CROCC: variants seen among roughly 807,000 people sequenced by gnomAD.
CROCC encodes the protein ciliary rootlet coiled-coil, rootletin.
In CROCC, 180 loss-of-function variants were observed where a neutral mutation model predicts 245.2. That is an observed-to-expected ratio of 0.73 (90% CI 0.65 to 0.83). The LOEUF (loss-of-function observed/expected upper bound fraction) is 0.83, where lower values mean the gene tolerates loss of function less well. CROCC is among the 40% of genes least tolerant of loss of function. CROCC has a pLI of 0.00. For missense variants in CROCC, 2,688 were observed against 2,779.4 expected, an observed-to-expected ratio of 0.97 and a Z score of 0.74; for synonymous variants, 1,205 against 1,241.6, an observed-to-expected ratio of 0.97 and a Z score of 0.62.
rs768019477 is a variant in CROCC, at chr1:16,961,050, G to GGGGCCT, written c.4326_4331dup (p.Leu1446_Gly1447dup). The GGGGCCT allele has an allele frequency of 4.5e-6, 6 of 1,329,974 alleles. No homozygotes were observed. Among genetic ancestry groups the GGGGCCT allele is most frequent in the East Asian group, 3.2e-5 (1 of 31,722 alleles). 82.4% of individuals were successfully genotyped at this position (1,329,974 alleles called of 1,614,324 possible). ...GGTGGCCTGCGCTCGGCTCTGCGCC[G>GGGGCCT]GGGCCTCGGCCTCGGTCGCGCGCCC... On this transcript the variant is annotated inframe_insertion, in exon 27 of 37. Transcript: ENST00000375541.
chr1:16,943,102 C>T (rs1220391637), intron 13 of CROCC, among the ~76,000 whole-genome samples: 6 of 152,206 alleles, frequency 3.9e-5, no homozygotes, highest in East Asian at 1.9e-4. Flanking sequence ...ATTAGCCATC[C>T]GTGGTGGCAC....
chr1:16,935,067 G>A (rs1476604056), intron 8 of CROCC, among the ~76,000 whole-genome samples: 2 of 151,938 alleles, frequency 1.3e-5, no homozygotes, highest in Admixed American at 6.6e-5. Context: ...ACCCCGCTAA[G>A]TTTTGTATTT....
At chr1:16,961,229 T>C in intron 27 of CROCC, 99 bp downstream of exon 27, 1 of 1,178,956 alleles carries the variant, frequency 8.5e-7, no homozygotes, top group Non-Finnish European at 1.1e-6. Flanking sequence ...GTTTTTGTTT[T>C]TTTTCAAGGA....
chr1:16,970,748 G>A lies in CROCC; in HGVS notation c.5765G>A (p.Arg1922Lys). ...GAELELAEAQ[R>K]QIQQLEAQVV... is the part of the protein sequence containing the mutation. ...GAGCTGGAGCTGGCAGAGGCGCAGAGGCAGATCCAGCAGCTGGAGGTCTGA... is the reference window on the plus strand; with the variant it reads ...GAGCTGGAGCTGGCAGAGGCGCAGAAGCAGATCCAGCAGCTGGAGGTCTGA... The change falls in exon 35 of 37, where the codon AGG becomes AAG. Residue 1922 changes from arginine to lysine, a missense_variant. This residue lies in a region of CROCC where 1,218 missense variants were observed against 1,286.3 expected (regional missense o/e 0.95). Transcript: ENST00000375541. 1 of 1,595,180 alleles carries A rather than the reference G, an allele frequency of 6.3e-7. No homozygotes were observed. The highest frequency in any genetic ancestry group is 1.1e-5 in the South Asian group (1 of 88,180).
chr1:16,950,753 G>A (rs2076145441), intron 19 of CROCC, among the ~76,000 whole-genome samples, 200 bp from the exon 20 acceptor site: 1 of 152,232 alleles, frequency 6.6e-6, no homozygotes, highest in African/African-American at 2.4e-5. Context: ...CAGGAAAGGG[G>A]TCAGGGCCAG....
rs543646958 is a variant in CROCC, at chr1:16,959,181, C to T, written c.4032+431C>T. ...GGGATTACAGGTGCTTGCCACCACG[C>T]CCAGCTAATTTTTTGTATTTTTAGT... On this transcript the variant is annotated intron_variant, in intron 26 of 36. Transcript: ENST00000375541. 1.1e-4 allele frequency among the ~76,000 whole-genome samples: 16 copies of T among 152,262 alleles called. No homozygotes were observed. In the South Asian group the frequency reaches 3.3e-3, roughly 32 times the overall value.
At chr1:16,928,011 G>A (rs1264740911) in intron 3 of CROCC, among the ~76,000 whole-genome samples, 2 of 152,284 alleles carry the variant, frequency 1.3e-5, no homozygotes, top group Non-Finnish European at 2.9e-5. Context: ...AGCATATGGG[G>A]TCAATGCAGG....
Position 16,955,993 on chromosome 1 carries a change from C to G in CROCC, c.3705-4C>G. 6.5e-7 allele frequency: 1 copy of G among 1,550,042 alleles called. No homozygotes were observed. Among genetic ancestry groups the G allele is most frequent in the Non-Finnish European group, 8.7e-7 (1 of 1,146,964 alleles). The stretch of plus-strand genomic sequence containing the variant: ...GGGCAGCCCCTGACCTCTGCCCTCT[C>G]CAGCCTGAAGCTTGCCAATGAGGAC... On this transcript the variant is annotated splice_polypyrimidine_tract_variant and splice_region_variant and intron_variant, in intron 24 of 36. Coordinates refer to ENST00000375541, the MANE Select transcript of CROCC (RefSeq NM_014675.5).
chr1:16,925,303 A>C (rs1238747331), intron 3 of CROCC, among the ~76,000 whole-genome samples: 2 of 152,260 alleles, frequency 1.3e-5, no homozygotes, highest in Non-Finnish European at 2.9e-5. Flanking sequence ...GCGCGTGCTG[A>C]GTGTTTCACA....
rs1477229990 is a variant in CROCC, at chr1:16,971,764, G to C, written c.5967+117G>C. 4 of 1,088,312 alleles carry C rather than the reference G, an allele frequency of 3.7e-6. No homozygotes were observed. The African/African-American group carries it at 6.5e-5, about 18-fold the overall frequency. The allele number at this position is 1,088,312 out of a possible 1,614,324, so 67.4% of individuals were successfully genotyped here. A position where few individuals can be genotyped will look rare whatever the true frequency, so the allele number is the denominator to read the frequency against. On this transcript the variant is annotated intron_variant, in intron 36 of 36. Transcript: ENST00000375541. Reference sequence around the variant, plus strand: ...AGTCGATGGCTCCCGTAACCGAAAAGGGTGGGGTTGGCTCTGCGCTGGTGT... The same window carrying C: ...AGTCGATGGCTCCCGTAACCGAAAACGGTGGGGTTGGCTCTGCGCTGGTGT...
rs2076536201 is a variant in CROCC at position 16,972,384 on chromosome 1, C to T, written c.5992C>T (p.Gln1998Ter). 1.2e-6 allele frequency: 2 copies of T among 1,613,960 alleles called. No individual in the cohort carries two copies. Among genetic ancestry groups the T allele is most frequent in the Non-Finnish European group, 8.5e-7 (1 of 1,179,972 alleles). Residue 1998 changes from glutamine (Q) to a stop codon, truncating the protein, a stop_gained, in exon 37 of 37, where the codon CAG becomes TAG. Transcript: ENST00000375541. LOFTEE classifies it high-confidence loss of function. ...GGTGTCCACACTGAAGGGCCAGCTG[C>T]AGCAGGAGCTTCGAAGGAGCTCAGC... is the stretch of plus-strand genomic sequence containing the variant. ...EQVSTLKGQL[Q>*]QELRRSSAPF...
Position 16,972,431 on chromosome 1 carries a change from C to T in CROCC, c.6039C>T (p.Gly2013=), listed in dbSNP as rs138350316. 1.9e-4 allele frequency: 307 copies of T among 1,612,476 alleles called. No homozygotes were observed. The African/African-American group carries it at 3.7e-3, about 19-fold the overall frequency. Residue 2013 remains glycine, a synonymous_variant, in exon 37 of 37, where the codon GGC becomes GGT. Coordinates refer to ENST00000375541, the MANE Select transcript of CROCC (RefSeq NM_014675.5). Reference sequence around the variant, plus strand: ...CAGCACCCTTCTCCCCACCCTCCGGCCCCCCAGAGAAATGAGCTCCTGCTG... The same window carrying T: ...CAGCACCCTTCTCCCCACCCTCCGGTCCCCCAGAGAAATGAGCTCCTGCTG... The part of the protein sequence containing the change: ...RSSAPFSPPS[G]PPEK
At chr1:16,960,373 G>A (rs1190552998) in intron 26 of CROCC, among the ~76,000 whole-genome samples, 1 of 152,214 alleles carries the variant, frequency 6.6e-6, no homozygotes, top group Admixed American at 6.5e-5. Flanking sequence ...TCTGGCCTTG[G>A]ACAAGTTACT....
At chr1:16,959,673 C>T (rs72899415) in intron 26 of CROCC, among the ~76,000 whole-genome samples, 2,501 of 152,254 alleles carry the variant, frequency 0.016, 57 homozygotes, top group African/African-American at 0.056. Context: ...CCATGCATCC[C>T]ATCAGGAAAT....
chr1:16,946,434 C>A, intron 16 of CROCC, 29 bp downstream of exon 16: 2 of 1,601,070 alleles, frequency 1.2e-6, no homozygotes, highest in Non-Finnish European at 1.7e-6. Flanking sequence ...GGCCCACCTG[C>A]CTTGCCCACC....
intron 32 of CROCC, 70 bp from the exon 33 acceptor site, chr1:16,969,715 G>T: frequency 6.5e-7 from 1 of 1,546,440 alleles, no homozygotes. Flanking sequence ...GACCTGTCCA[G>T]AGGTACAGAA....
chr1:16,967,457 C>T (rs1418415953), intron 30 of CROCC, among the ~76,000 whole-genome samples: 1 of 152,220 alleles, frequency 6.6e-6, no homozygotes. Flanking sequence ...GCGGCTTCAA[C>T]CCTGGCCATG....
At position 16,929,744 on chromosome 1, in the gene CROCC, A is replaced by G. The variant is rs2075621172; in HGVS notation, c.352-102A>G. On this transcript the variant is annotated intron_variant, in intron 3 of 36. Coordinates refer to ENST00000375541, the MANE Select transcript of CROCC (RefSeq NM_014675.5). ...CCCCAGGGCGCCAGGCTATCAGCCTACAAGGCATTGTGGGTCTGGGCCCAG... is the reference window on the plus strand; with the variant it reads ...CCCCAGGGCGCCAGGCTATCAGCCTGCAAGGCATTGTGGGTCTGGGCCCAG... 3 of 1,436,536 alleles carry G rather than the reference A, an allele frequency of 2.1e-6. No individual in the cohort carries two copies. In the African/African-American group the frequency reaches 4.3e-5, roughly 21 times the overall value. 89.0% of individuals were successfully genotyped at this position (1,436,536 alleles called of 1,614,324 possible). A position where few individuals can be genotyped will look rare whatever the true frequency, so the allele number is the denominator to read the frequency against.
Position 16,930,190 on chromosome 1 carries a change from G to C in CROCC, c.604G>C (p.Glu202Gln), listed in dbSNP as rs770755010. ...GCTGCTGGAGAGATCCGGAGAGCTG[G>C]AGCAGCAGCGGCTGAGGGTGGGTGC... ...QQLLERSGELEQQRLRDTEHS... is the reference protein window; with the variant it reads ...QQLLERSGELQQQRLRDTEHS... Residue 202 changes from glutamate (E) to glutamine (Q), a missense_variant, in exon 5 of 37, where the codon GAG (glutamate) becomes CAG (glutamine). Around this residue, in one of 9 missense-constraint regions of CROCC, gnomAD observed 972 missense variants for 895.3 expected, o/e 1.09. Coordinates refer to ENST00000375541, the MANE Select transcript of CROCC (RefSeq NM_014675.5). The C allele has an allele frequency of 6.9e-6, 11 of 1,591,522 alleles. No individual in the cohort carries two copies. In the East Asian group the frequency reaches 2.0e-4, roughly 30 times the overall value.
Sources: gnomAD v4.1 joint callset for allele counts (sites outside exome capture counted in the v4.1 genomes callset) on GRCh38, gnomAD v4.1.1 for gene constraint, gnomAD v4.1.1 regional missense constraint, MANE v1.5 for transcripts, NCBI Gene and HGNC (gene_info 2026-07-23, HGNC 2026-07-21) for gene names.